The following RBFOX1 variants were observed in gnomAD, a reference collection of about 807,000 sequenced individuals.
The protein encoded by RBFOX1 is RNA binding fox-1 homolog 1.
A neutral mutation model predicts 57.7 loss-of-function variants in RBFOX1; 8 were observed. The ratio of observed to expected loss-of-function variants is 0.14; its 90% CI spans 0.08 to 0.25. The LOEUF (loss-of-function observed/expected upper bound fraction) is 0.25, where lower values mean the gene tolerates loss of function less well. Among genes scored for constraint, RBFOX1 ranks in the 10% least tolerant of loss-of-function variants. The pLI is 1.00. For missense variants in RBFOX1, 611 were observed against 548.5 expected, an observed-to-expected ratio of 1.11 and a Z score of -1.14; for synonymous variants, 326 against 222.4, an observed-to-expected ratio of 1.47 and a Z score of -4.15.
chr16:7,124,785 A>G (rs190947332), intron 4 of RBFOX1, among the ~76,000 whole-genome samples: 108 of 152,184 alleles, frequency 7.1e-4, no homozygotes, highest in African/African-American at 2.5e-3. Context: ...TGCACTTCCA[A>G]TGAAAACAGA....
intron 1 of RBFOX1, among the ~76,000 whole-genome samples, chr16:5,314,096 A>T (rs981314358): frequency 1.3e-5 from 2 of 152,198 alleles, no homozygotes; most frequent in Non-Finnish European, 2.9e-5. Context: ...GTTTTATCTC[A>T]TGAGACCCTC....
chr16:5,719,616 A>G (rs1212242442), intron 3 of RBFOX1, among the ~76,000 whole-genome samples: 2 of 152,014 alleles, frequency 1.3e-5, no homozygotes, highest in African/African-American at 4.8e-5. Flanking sequence ...TTCTGTCTCT[A>G]TGGACTTGCC....
chr16:6,460,807 A>G (rs1301617050), intron 2 of RBFOX1, among the ~76,000 whole-genome samples: 2 of 144,904 alleles, frequency 1.4e-5, no homozygotes, highest in African/African-American at 5.1e-5. Context: ...ATATGTTAAT[A>G]GAAGCACTAT....
At chr16:7,437,123 A>C (rs1257912789) in intron 4 of RBFOX1, among the ~76,000 whole-genome samples, 3 of 152,154 alleles carry the variant, frequency 2.0e-5, no homozygotes, top group Admixed American at 2.0e-4. Context: ...CAGAAGCATC[A>C]CAGGGCTCTC....
At chr16:6,030,543 C>T (rs911534579) in intron 1 of RBFOX1, among the ~76,000 whole-genome samples, 1 of 151,976 alleles carries the variant, frequency 6.6e-6, no homozygotes, top group African/African-American at 2.4e-5. Context: ...AAAAGAATAC[C>T]TTTGCAAGGT....
chr16:6,112,031 T>C (rs983165187), intron 1 of RBFOX1, among the ~76,000 whole-genome samples: 1 of 151,634 alleles, frequency 6.6e-6, no homozygotes, highest in African/African-American at 2.4e-5. Flanking sequence ...AAAAAAAAAG[T>C]AGGTGATGTT....
chr16:5,541,752 C>T (rs2044962546), intron 2 of RBFOX1, among the ~76,000 whole-genome samples: 1 of 152,102 alleles, frequency 6.6e-6, no homozygotes, highest in Non-Finnish European at 1.5e-5. Context: ...TTATTTATTT[C>T]ATTTTTAAAA....
At chr16:7,681,187 C>T (rs2074637884) in intron 14 of RBFOX1, among the ~76,000 whole-genome samples, 1 of 152,030 alleles carries the variant, frequency 6.6e-6, no homozygotes, top group Admixed American at 6.6e-5. Flanking sequence ...CAGAGATAGA[C>T]ATATACATAC....
intron 3 of RBFOX1, among the ~76,000 whole-genome samples, chr16:5,857,780 A>G (rs2057110059): frequency 6.6e-6 from 1 of 151,896 alleles, no homozygotes; most frequent in African/African-American, 2.4e-5. Context: ...AAAACAAAGA[A>G]AAGAACTGCA....
At chr16:7,575,217 C>T (rs541298922) in intron 5 of RBFOX1, among the ~76,000 whole-genome samples, 3 of 152,012 alleles carry the variant, frequency 2.0e-5, no homozygotes, top group Non-Finnish European at 4.4e-5. Context: ...TCATTGTAAC[C>T]TCTGCCTCCT....
intron 1 of RBFOX1, among the ~76,000 whole-genome samples, chr16:6,020,556 C>T (rs1050815117): frequency 2.0e-5 from 3 of 152,176 alleles, no homozygotes; most frequent in Non-Finnish European, 4.4e-5. Context: ...GCCACCTCGA[C>T]CCCAGGGGAG....
At chr16:6,029,003 G>A (rs1055733595) in intron 1 of RBFOX1, among the ~76,000 whole-genome samples, 12 of 152,142 alleles carry the variant, frequency 7.9e-5, no homozygotes, top group Non-Finnish European at 1.3e-4. Context: ...CTATTAAAAG[G>A]CAAATGATTC....
At chr16:6,956,047 T>A (rs1312547099) in intron 3 of RBFOX1, among the ~76,000 whole-genome samples, 5 of 152,148 alleles carry the variant, frequency 3.3e-5, no homozygotes, top group Admixed American at 1.3e-4. Context: ...CATTTTTGAT[T>A]AAGTGAGTTA....
rs139547836 is a variant in RBFOX1, at chr16:6,972,863, C to A, written c.-15-79194C>A. On this transcript the variant is annotated intron_variant, in intron 3 of 15. Coordinates refer to ENST00000550418, the MANE Select transcript of RBFOX1 (RefSeq NM_018723.4). Reference sequence around the variant, plus strand: ...AAGGGGCCGGATGCAGTGGTTCATGCCTGTTATCACAACACTTTGGGAGGC... The same window carrying A: ...AAGGGGCCGGATGCAGTGGTTCATGACTGTTATCACAACACTTTGGGAGGC... Among the ~76,000 whole-genome samples the A allele has an allele frequency of 6.0e-3, 916 of 152,170 alleles. 14 individuals are homozygous for A. The highest frequency in any genetic ancestry group is 0.021 in the African/African-American group (867 of 41,518).
At chr16:6,812,990 T>C (rs184529025) in intron 3 of RBFOX1, among the ~76,000 whole-genome samples, 4 of 152,292 alleles carry the variant, frequency 2.6e-5, no homozygotes, top group East Asian at 3.9e-4. Context: ...ACTTCTCTCT[T>C]TTTTGTTAGA....
chr16:7,470,532 G>C (rs943983468), intron 4 of RBFOX1, among the ~76,000 whole-genome samples: 1 of 151,864 alleles, frequency 6.6e-6, no homozygotes, highest in African/African-American at 2.4e-5. Context: ...TGGTTGGGTA[G>C]ATGAGTGGGT....
chr16:6,149,388 G>A (rs188449007), intron 1 of RBFOX1, among the ~76,000 whole-genome samples: 20 of 152,326 alleles, frequency 1.3e-4, no homozygotes, highest in African/African-American at 4.6e-4. Context: ...TTGCTAGGAG[G>A]ATTCATTGCA....
At chr16:6,483,101 C>T (rs1397587220) in intron 2 of RBFOX1, 1 of 1,010,538 alleles carries the variant, frequency 9.9e-7, no homozygotes. Flanking sequence ...AGGGGCGGGA[C>T]CCACGCAGCC....
intron 4 of RBFOX1, among the ~76,000 whole-genome samples, chr16:7,362,209 GTTTT>G (rs527801580): frequency 6.7e-6 from 1 of 150,308 alleles, no homozygotes; most frequent in Non-Finnish European, 1.5e-5. Flanking sequence ...GATTGTGTTT[GTTTT>G]TTATGTGTTT....
Sources: allele counts gnomAD v4.1 joint callset (sites outside exome capture counted in the v4.1 genomes callset), GRCh38; gene constraint gnomAD v4.1.1; transcripts MANE v1.5; gene names NCBI Gene and HGNC (gene_info 2026-07-23, HGNC 2026-07-21).